The following ADAM12 variants were observed in gnomAD, a reference collection of about 807,000 sequenced individuals.
ADAM12 encodes ADAM metallopeptidase domain 12, also known as disintegrin and metalloproteinase domain-containing protein 12.
A neutral mutation model predicts 106.4 loss-of-function variants in ADAM12; 70 were observed. The ratio of observed to expected loss-of-function variants is 0.66; its 90% CI spans 0.54 to 0.80. The LOEUF is 0.80. Ranked by LOEUF, ADAM12 falls within the 30% of genes least tolerant of loss-of-function variation. ADAM12 has a pLI of 0.00. For missense variants in ADAM12, 1,010 were observed against 1,171.9 expected (o/e 0.86, Z 2.02); for synonymous variants, 420 against 433.5 (o/e 0.97, Z 0.39).
intron 3 of ADAM12, among the ~76,000 whole-genome samples, chr10:126,204,655 A>G (rs1205428535): frequency 1.3e-5 from 2 of 152,272 alleles, no homozygotes; most frequent in African/African-American, 4.8e-5. Flanking sequence ...TAAATTGTTA[A>G]GAATTTAAAG....
chr10:126,278,222 T>C (rs929248450), intron 3 of ADAM12, among the ~76,000 whole-genome samples: 2 of 152,216 alleles, frequency 1.3e-5, no homozygotes, highest in Non-Finnish European at 2.9e-5. Flanking sequence ...TTTATGGTAC[T>C]AATGAAATAG....
chr10:126,279,265 A>G (rs995871643), intron 2 of ADAM12, among the ~76,000 whole-genome samples: 1 of 143,376 alleles, frequency 7.0e-6, no homozygotes, highest in African/African-American at 3.0e-5. Context: ...AAAAGTAAAA[A>G]TAAAAAAAAT....
At chr10:126,095,187 G>GC (rs1406818123) in intron 10 of ADAM12, among the ~76,000 whole-genome samples, 4 of 152,068 alleles carry the variant, frequency 2.6e-5, no homozygotes, top group African/African-American at 9.7e-5. Context: ...CCTCCAAAAC[G>GC]CATGCTGAAG....
rs1179299924 is a variant in ADAM12, at chr10:126,334,883, G to T, written c.89-4374C>A. On this transcript the variant is annotated intron_variant, in intron 1 of 22. Coordinates refer to ENST00000448723, the MANE Select transcript of ADAM12 (RefSeq NM_001288973.2). The stretch of plus-strand genomic sequence containing the variant: ...AAGAGGGGACATCTTGGAGCCATAA[G>T]ACCTGACCCTGGTCCTGACTCCTCC... Among the ~76,000 whole-genome samples, 3 of 152,144 alleles carry T rather than the reference G, an allele frequency of 2.0e-5. No homozygotes were observed. In the East Asian group the frequency reaches 5.8e-4, roughly 29 times the overall value.
chr10:126,063,151 C>A (rs1954792574), intron 14 of ADAM12, among the ~76,000 whole-genome samples: 1 of 152,180 alleles, frequency 6.6e-6, no homozygotes, highest in Non-Finnish European at 1.5e-5. Flanking sequence ...TACTAAGGGC[C>A]CGGGAACTGC....
intron 1 of ADAM12, among the ~76,000 whole-genome samples, chr10:126,345,352 C>G (rs1855098737): frequency 6.6e-6 from 1 of 152,146 alleles, no homozygotes; most frequent in African/African-American, 2.4e-5. Flanking sequence ...GTTGAACCAG[C>G]CTTGCATCCC....
At chr10:126,090,259 C>G (rs924015320) in intron 11 of ADAM12, among the ~76,000 whole-genome samples, 1 of 150,684 alleles carries the variant, frequency 6.6e-6, no homozygotes, top group African/African-American at 2.5e-5. Context: ...TCACCTACCC[C>G]ACCCGAGGAG....
chr10:126,274,616 C>A (rs1009802315), intron 3 of ADAM12, among the ~76,000 whole-genome samples: 2 of 152,198 alleles, frequency 1.3e-5, no homozygotes, highest in Non-Finnish European at 2.9e-5. Flanking sequence ...CCTAGCTCTG[C>A]ATTGCCAGGA....
intron 21 of ADAM12, among the ~76,000 whole-genome samples, chr10:126,023,908 GAAA>G (rs5788761): frequency 1.4e-5 from 2 of 140,784 alleles, no homozygotes; most frequent in South Asian, 2.3e-4. Context: ...TGAACTCATG[GAAA>G]AAAAAAAAAA....
chr10:126,030,893 T>C (rs1279548398), intron 21 of ADAM12, among the ~76,000 whole-genome samples: 3 of 152,204 alleles, frequency 2.0e-5, no homozygotes, highest in Non-Finnish European at 4.4e-5. Flanking sequence ...CCATGGAGAA[T>C]GACACTGTGA....
intron 2 of ADAM12, among the ~76,000 whole-genome samples, chr10:126,326,870 C>T (rs145408420): frequency 8.5e-5 from 13 of 152,204 alleles, no homozygotes; most frequent in Non-Finnish European, 2.9e-5. Context: ...GATGTCACCT[C>T]CACAGAGAGG....
At chr10:126,284,329 T>A (rs1959738168) in intron 2 of ADAM12, among the ~76,000 whole-genome samples, 4 of 80,220 alleles carry the variant, frequency 5.0e-5, no homozygotes, top group African/African-American at 1.7e-4. Flanking sequence ...CAAGACTCCA[T>A]CTCAAAAAAA....
chr10:126,049,800 G>A lies in ADAM12; in HGVS notation c.1610-131C>T. ...ACACCCAGTGTCTGTCCCGACTCAT[G>A]GTGGGAGCTGGCCAGGGGAAGCCTA... On this transcript the variant is annotated intron_variant, in intron 14 of 22. Transcript: ENST00000448723. The surrounding 1 kb of genome is among the most constrained non-coding windows in gnomAD (Gnocchi z 4.4). 1 of 801,788 alleles carries A rather than the reference G, an allele frequency of 1.2e-6. No homozygotes were observed. Among genetic ancestry groups the A allele is most frequent in the African/African-American group, 1.7e-5 (1 of 57,606 alleles). The allele number at this position is 801,788 out of a possible 1,614,324, so 49.7% of individuals were successfully genotyped here.
chr10:126,319,693 T>G (rs1215344977), intron 2 of ADAM12, among the ~76,000 whole-genome samples: 1 of 152,078 alleles, frequency 6.6e-6, no homozygotes, highest in Non-Finnish European at 1.5e-5. Flanking sequence ...CAGAATAAGG[T>G]ACGGACATTA....
At chr10:126,227,988 T>C (rs1958233349) in intron 3 of ADAM12, among the ~76,000 whole-genome samples, 1 of 151,734 alleles carries the variant, frequency 6.6e-6, no homozygotes, top group Admixed American at 6.6e-5. Flanking sequence ...GACCTTCCTG[T>C]GATGATTCCC....
chr10:126,307,476 C>T (rs991835582), intron 2 of ADAM12, among the ~76,000 whole-genome samples: 1 of 152,158 alleles, frequency 6.6e-6, no homozygotes, highest in Non-Finnish European at 1.5e-5. Context: ...GCCTCAGCCT[C>T]CCAACTAGCT....
At chr10:126,244,337 G>T (rs2133662080) in intron 3 of ADAM12, among the ~76,000 whole-genome samples, 2 of 152,318 alleles carry the variant, frequency 1.3e-5, no homozygotes, top group South Asian at 4.1e-4. Flanking sequence ...TGCACTGCCG[G>T]TATTTGAAGG....
At chr10:126,285,301 T>C (rs11599873) in intron 2 of ADAM12, among the ~76,000 whole-genome samples, 33,770 of 152,224 alleles carry the variant, frequency 0.22, 4,008 homozygotes, top group South Asian at 0.33. Flanking sequence ...TCCTGTTTCC[T>C]CCAAAGTCAT....
rs185195012 is a variant in ADAM12, at chr10:126,248,446, C to T, written c.260+30469G>A. On this transcript the variant is annotated intron_variant, in intron 3 of 22. Coordinates refer to ENST00000448723, the MANE Select transcript of ADAM12 (RefSeq NM_001288973.2). ...TGGCTGGGCCCTCCCAAACACAGGC[C>T]TTGCCACCCCTCGAGGCAACGTGAC... 2.9e-3 allele frequency among the ~76,000 whole-genome samples: 445 copies of T among 152,248 alleles called. 3 individuals are homozygous for T. The highest frequency in any genetic ancestry group is 0.01 in the African/African-American group (430 of 41,530).
Sources: allele counts gnomAD v4.1 joint callset (sites outside exome capture counted in the v4.1 genomes callset), GRCh38; gene constraint gnomAD v4.1.1; non-coding constraint Gnocchi (gnomAD v3.1); transcripts MANE v1.5; gene names NCBI Gene and HGNC (gene_info 2026-07-23, HGNC 2026-07-21).